The following MYRFL variants were observed in gnomAD, a reference collection of about 807,000 sequenced individuals.
MYRFL encodes myelin regulatory factor-like protein.
Under a neutral mutation model 109.4 loss-of-function variants are expected in MYRFL, and 88 were observed. That is an observed-to-expected ratio of 0.80 (90% CI 0.68 to 0.96). The LOEUF (loss-of-function observed/expected upper bound fraction) is 0.96. Among genes scored for constraint, MYRFL ranks in the 40% least tolerant of loss-of-function variants. The pLI is 0.00. For synonymous variants in MYRFL, 324 were observed against 320.9 expected (o/e 1.01, Z -0.10); for missense variants, 957 against 954.9 (o/e 1.00, Z -0.03).
intron 7 of MYRFL, among the ~76,000 whole-genome samples, 192 bp from the exon 8 acceptor site, chr12:69,893,572 A>C (rs1264737109): frequency 6.6e-6 from 1 of 152,070 alleles, no homozygotes; most frequent in Non-Finnish European, 1.5e-5. Context: ...ACAGGTATTT[A>C]TTTCTTTCCT....
chr12:69,948,020 C>A (rs563144564), intron 19 of MYRFL, among the ~76,000 whole-genome samples: 2 of 152,224 alleles, frequency 1.3e-5, no homozygotes, highest in South Asian at 4.1e-4. Context: ...TGAAATATAT[C>A]TCCAACTTTA....
At chr12:69,874,334 C>T (rs756319283) in intron 2 of MYRFL, among the ~76,000 whole-genome samples, 22 of 152,136 alleles carry the variant, frequency 1.4e-4, no homozygotes, top group African/African-American at 2.4e-4. Flanking sequence ...CATGCCACCA[C>T]GCCCTGCTAA....
intron 7 of MYRFL, among the ~76,000 whole-genome samples, chr12:69,893,421 G>T (rs1029358497): frequency 2.6e-5 from 4 of 152,082 alleles, no homozygotes; most frequent in Non-Finnish European, 5.9e-5. Context: ...GTACATAGTG[G>T]GTGCTCCATA....
intron 19 of MYRFL, among the ~76,000 whole-genome samples, chr12:69,945,864 G>A (rs1256256538): frequency 2.2e-4 from 33 of 148,200 alleles, no homozygotes; most frequent in African/African-American, 7.9e-4. Context: ...GCGGGCGCCT[G>A]TAGTCCCAGC....
At chr12:69,931,866 C>T (rs1450296501) in intron 15 of MYRFL, among the ~76,000 whole-genome samples, 3 of 152,150 alleles carry the variant, frequency 2.0e-5, no homozygotes, top group Non-Finnish European at 2.9e-5. Context: ...GTCTCATTCA[C>T]GTCCTGGAGA....
chr12:69,849,780 T>C (rs1327846143), intron 1 of MYRFL, among the ~76,000 whole-genome samples: 1 of 152,262 alleles, frequency 6.6e-6, no homozygotes, highest in African/African-American at 2.4e-5. Flanking sequence ...TTGTATAAAA[T>C]ATTTTTCCAA....
intron 7 of MYRFL, among the ~76,000 whole-genome samples, chr12:69,891,622 TCCTCCTTC>T (rs1193418182): frequency 0.045 from 3,804 of 84,666 alleles, 142 homozygotes; most frequent in African/African-American, 0.066. Context: ...TTTCTTTCTT[TCCTCCTTC>T]CTTTCTTTTT....
intron 2 of MYRFL, among the ~76,000 whole-genome samples, chr12:69,869,730 T>C (rs1296411687): frequency 6.6e-6 from 1 of 152,170 alleles, no homozygotes; most frequent in African/African-American, 2.4e-5. Flanking sequence ...GATGGCTCAA[T>C]TGTGAGTATC....
chr12:69,952,464 T>C (rs1324094664), intron 20 of MYRFL, among the ~76,000 whole-genome samples: 1 of 152,248 alleles, frequency 6.6e-6, no homozygotes, highest in Non-Finnish European at 1.5e-5. Context: ...TGTCTTCTGT[T>C]TTCTGAAACA....
chr12:69,956,603 C>T (rs766877126), intron 22 of MYRFL, among the ~76,000 whole-genome samples: 3 of 151,816 alleles, frequency 2.0e-5, no homozygotes, highest in Non-Finnish European at 4.4e-5. Context: ...CCTCTGTCCT[C>T]CCCTCTCTCC....
chr12:69,872,068 GT>G (rs1885385946), intron 2 of MYRFL, among the ~76,000 whole-genome samples: 2 of 130,070 alleles, frequency 1.5e-5, no homozygotes, highest in Non-Finnish European at 3.7e-5. Flanking sequence ...TTGAAACTCT[GT>G]TATTAAGTAC....
At chr12:69,859,500 G>A (rs963003222) in intron 2 of MYRFL, among the ~76,000 whole-genome samples, 1 of 152,200 alleles carries the variant, frequency 6.6e-6, no homozygotes, top group Non-Finnish European at 1.5e-5. Context: ...TGGATTTTGT[G>A]AAAACATAAT....
intron 2 of MYRFL, among the ~76,000 whole-genome samples, chr12:69,866,019 G>T (rs1464108535): frequency 2.0e-5 from 3 of 152,156 alleles, no homozygotes; most frequent in Non-Finnish European, 4.4e-5. Flanking sequence ...AGGATAAGGT[G>T]CAGAGAGGTT....
chr12:69,912,036 C>A (rs1254467690), intron 13 of MYRFL, among the ~76,000 whole-genome samples: 1 of 152,118 alleles, frequency 6.6e-6, no homozygotes, highest in Non-Finnish European at 1.5e-5. Context: ...CAGAGGATGC[C>A]TTTTCATGTT....
At chr12:69,852,985 CT>C (rs1257143337) in intron 1 of MYRFL, among the ~76,000 whole-genome samples, 5 of 152,246 alleles carry the variant, frequency 3.3e-5, no homozygotes. Context: ...ACGTCTACTT[CT>C]TTCTACACAG....
chr12:69,905,689 G>T (rs1016056985), intron 11 of MYRFL, among the ~76,000 whole-genome samples: 1 of 152,106 alleles, frequency 6.6e-6, no homozygotes, highest in African/African-American at 2.4e-5. Context: ...TAAGCAAAGA[G>T]AAATTATTTT....
At chr12:69,914,164 G>A (rs1431396105) in intron 13 of MYRFL, among the ~76,000 whole-genome samples, 2 of 152,076 alleles carry the variant, frequency 1.3e-5, no homozygotes, top group African/African-American at 4.8e-5. Context: ...CTACTTTGCT[G>A]AGAAATTTAT....
chr12:69,848,144 A>C (rs1190637838), intron 1 of MYRFL, among the ~76,000 whole-genome samples: 1 of 152,004 alleles, frequency 6.6e-6, no homozygotes, highest in Admixed American at 6.6e-5. Context: ...GTTTGGGTTT[A>C]TTTCTGGACT....
intron 16 of MYRFL, among the ~76,000 whole-genome samples, chr12:69,934,947 G>GT (rs1377547312): frequency 1.3e-5 from 2 of 152,150 alleles, no homozygotes; most frequent in African/African-American, 4.8e-5. Flanking sequence ...TTTCAGGCTG[G>GT]TTTTGGCTTG....
Sources: allele counts gnomAD v4.1 joint callset (sites outside exome capture counted in the v4.1 genomes callset), GRCh38; gene constraint gnomAD v4.1.1; transcripts MANE v1.5; gene names NCBI Gene and HGNC (gene_info 2026-07-23, HGNC 2026-07-21).